TCAIM: variants seen among roughly 807,000 people sequenced by gnomAD.
TCAIM encodes T-cell activation inhibitor, mitochondrial.
In TCAIM, 36 loss-of-function variants were observed where a neutral mutation model predicts 58.6. The ratio of observed to expected loss-of-function variants is 0.61; its 90% confidence interval spans 0.47 to 0.81. The LOEUF (loss-of-function observed/expected upper bound fraction) is 0.81, where lower values mean the gene tolerates loss of function less well. Ranked by LOEUF, TCAIM falls within the 30% of genes least tolerant of loss-of-function variation. TCAIM has a pLI of 0.00. For synonymous variants in TCAIM, 172 were observed against 193.6 expected (o/e 0.89, Z 0.93); for missense variants, 466 against 579.6 (o/e 0.80, Z 2.01).
chr3:44,382,776 A>ATGTCTTTT (rs1701673502), intron 5 of TCAIM, among the ~76,000 whole-genome samples: 1 of 152,198 alleles, frequency 6.6e-6, no homozygotes, highest in Non-Finnish European at 1.5e-5. Context: ...TGTGCACTAA[A>ATGTCTTTT]AGACACTATC....
chr3:44,399,238 A>G (rs1235245244), intron 8 of TCAIM, among the ~76,000 whole-genome samples: 2 of 152,244 alleles, frequency 1.3e-5, no homozygotes, highest in Non-Finnish European at 2.9e-5. Flanking sequence ...CAATAATTGT[A>G]TAAGATGTAC....
At chr3:44,397,315 C>G (rs953367397) in intron 8 of TCAIM, among the ~76,000 whole-genome samples, 6 of 152,214 alleles carry the variant, frequency 3.9e-5, no homozygotes, top group Non-Finnish European at 8.8e-5. Flanking sequence ...CCACCACCCC[C>G]TCTCCAAGCA....
At chr3:44,361,895 A>C (rs1701301330) in intron 4 of TCAIM, among the ~76,000 whole-genome samples, 1 of 152,196 alleles carries the variant, frequency 6.6e-6, no homozygotes, top group Admixed American at 6.5e-5. Context: ...AGTGATGTTC[A>C]GTGCCTTTCC....
intron 4 of TCAIM, among the ~76,000 whole-genome samples, chr3:44,362,223 G>T (rs959823947): frequency 6.6e-5 from 10 of 151,528 alleles, no homozygotes; most frequent in Admixed American, 5.2e-4. Context: ...ATTTTTTTTT[G>T]AAACAAACTG....
chr3:44,378,787 ACT>A (rs992651778), intron 5 of TCAIM, among the ~76,000 whole-genome samples: 1 of 145,006 alleles, frequency 6.9e-6, no homozygotes, highest in African/African-American at 2.6e-5. Context: ...ACAGAGCGAG[ACT>A]CTGTCTCAAA....
chr3:44,393,040 C>G, intron 6 of TCAIM, 63 bp downstream of exon 6: 2 of 1,445,280 alleles, frequency 1.4e-6, no homozygotes, highest in Non-Finnish European at 1.9e-6. Context: ...AACTGATAAG[C>G]TTTTCAGCAG....
chr3:44,364,373 C>T (rs749293929), intron 4 of TCAIM, among the ~76,000 whole-genome samples: 27 of 152,178 alleles, frequency 1.8e-4, no homozygotes, highest in Middle Eastern at 3.4e-3. Flanking sequence ...CAGAGTAGTT[C>T]CATTCCAAAA....
In TCAIM at chr3:44,389,333, GT is replaced by G. The variant is rs563723910; in HGVS notation, c.573-3517del. On this transcript the variant is annotated intron_variant, in intron 5 of 10. Coordinates refer to ENST00000342649, the MANE Select transcript of TCAIM (RefSeq NM_173826.4). Reference sequence around the variant, plus strand: ...AACAGAAACCATGTTGAGAGTCTTTGTTTTTACTTCAGTTTTTAGAAACAAA... The same window carrying G: ...AACAGAAACCATGTTGAGAGTCTTTGTTTTACTTCAGTTTTTAGAAACAAA... 7.8e-3 allele frequency among the ~76,000 whole-genome samples: 1,191 copies of G among 152,270 alleles called. 4 individuals carry two copies. Among genetic ancestry groups the G allele is most frequent in the Non-Finnish European group, 0.013 (880 of 68,006 alleles).
At chr3:44,363,956 G>A (rs905209810) in intron 4 of TCAIM, among the ~76,000 whole-genome samples, 2 of 116,552 alleles carry the variant, frequency 1.7e-5, no homozygotes, top group African/African-American at 6.5e-5. Flanking sequence ...TTCATACGGA[G>A]TCTCACTCTG....
intron 9 of TCAIM, 21 bp downstream of exon 9, chr3:44,400,608 G>GA: frequency 6.3e-7 from 1 of 1,586,610 alleles, no homozygotes. Context: ...AAGATAGAAG[G>GA]ATTACTTTTA....
intron 4 of TCAIM, among the ~76,000 whole-genome samples, chr3:44,364,774 A>G (rs886777335): frequency 6.6e-6 from 1 of 152,020 alleles, no homozygotes; most frequent in Non-Finnish European, 1.5e-5. Flanking sequence ...CTTTAGCCTC[A>G]GTATTCGAAC....
chr3:44,396,986 C>G, intron 8 of TCAIM, 152 bp downstream of exon 8: 1 of 678,548 alleles, frequency 1.5e-6, no homozygotes, highest in Non-Finnish European at 2.4e-6. Context: ...GTTTTCAGAT[C>G]AGATGCTTAA....
At chr3:44,369,521 C>G (rs959633143) in intron 5 of TCAIM, among the ~76,000 whole-genome samples, 1 of 152,024 alleles carries the variant, frequency 6.6e-6, no homozygotes, top group Non-Finnish European at 1.5e-5. Context: ...AAAAGAGTGC[C>G]CCAAGGACCT....
intron 5 of TCAIM, among the ~76,000 whole-genome samples, chr3:44,390,917 C>T (rs1372445421): frequency 6.6e-6 from 1 of 152,130 alleles, no homozygotes; most frequent in Middle Eastern, 3.2e-3. Context: ...TGAAATGATC[C>T]CCTCAGCCCA....
At chr3:44,374,765 A>G (rs1451182720) in intron 5 of TCAIM, among the ~76,000 whole-genome samples, 1 of 152,050 alleles carries the variant, frequency 6.6e-6, no homozygotes, top group African/African-American at 2.4e-5. Context: ...TGTCTCTCCA[A>G]AAAAAATATA....
At chr3:44,363,638 T>A (rs1175235362) in intron 4 of TCAIM, among the ~76,000 whole-genome samples, 1 of 152,206 alleles carries the variant, frequency 6.6e-6, no homozygotes, top group Non-Finnish European at 1.5e-5. Context: ...GTAAATGTTG[T>A]TATTAGAATA....
chr3:44,368,527 AGAAGTATGTG>A (rs1701416008), intron 5 of TCAIM, among the ~76,000 whole-genome samples: 1 of 152,240 alleles, frequency 6.6e-6, no homozygotes, highest in South Asian at 2.1e-4. Context: ...AGAAAAGTAT[AGAAGTATGTG>A]TCTGAAGACG....
In TCAIM at chr3:44,404,619, C is replaced by T. The variant is rs985519363; in HGVS notation, c.1251-2823C>T. 2.0e-4 allele frequency among the ~76,000 whole-genome samples: 31 copies of T among 152,110 alleles called. 1 individual carries two copies. Among genetic ancestry groups the T allele is most frequent in the Non-Finnish European group, 4.4e-5 (3 of 68,026 alleles). ...TGCTGTCTTTCCTTCCTTTGCTCTG[C>T]TGTCCCTGCCCTAGTAAGACACCTT... On this transcript the variant is annotated intron_variant, in intron 10 of 10. Transcript: ENST00000342649.
intron 1 of TCAIM, among the ~76,000 whole-genome samples, chr3:44,353,049 AGTAGCTGGGATTACAG>A (rs376781385): frequency 1.1e-3 from 162 of 151,196 alleles, no homozygotes; most frequent in African/African-American, 3.8e-3. Flanking sequence ...CAGCCTCACA[AGTAGCTGGGATTACAG>A]GCGCCCACCA....
Sources: gnomAD v4.1 joint callset for allele counts (sites outside exome capture counted in the v4.1 genomes callset) on GRCh38, gnomAD v4.1.1 for gene constraint, MANE v1.5 for transcripts, NCBI Gene and HGNC (gene_info 2026-07-23, HGNC 2026-07-21) for gene names.